Variants in BAZ2B observed in about 807,000 individuals in gnomAD.
The protein encoded by BAZ2B is bromodomain adjacent to zinc finger domain protein 2B.
BAZ2B carries 91 observed loss-of-function variants against 246.0 expected under a neutral mutation model. The observed-to-expected ratio is 0.37, with a 90% confidence interval of 0.31 to 0.44. BAZ2B has a LOEUF of 0.44. Ranked by LOEUF, BAZ2B falls within the 20% of genes least tolerant of loss-of-function variation. BAZ2B has a pLI of 1.00. For missense variants in BAZ2B, 2,332 were observed against 2,533.7 expected (o/e 0.92, Z 1.71); for synonymous variants, 855 against 860.0 (o/e 0.99, Z 0.10).
chr2:159,567,346 G>A (rs1682873354), intron 1 of BAZ2B, among the ~76,000 whole-genome samples: 1 of 152,160 alleles, frequency 6.6e-6, no homozygotes. Context: ...AGAAATGGCT[G>A]TCATATACAG....
At chr2:159,468,475 T>C (rs1238900225) in intron 3 of BAZ2B, among the ~76,000 whole-genome samples, 2 of 152,202 alleles carry the variant, frequency 1.3e-5, no homozygotes, top group Non-Finnish European at 2.9e-5. Flanking sequence ...AAAAGAATCA[T>C]AGCACAAATA....
At chr2:159,420,172 C>A (rs535717914) in intron 13 of BAZ2B, among the ~76,000 whole-genome samples, 1 of 152,278 alleles carries the variant, frequency 6.6e-6, no homozygotes, top group South Asian at 2.1e-4. Flanking sequence ...CAAATTCAGG[C>A]TTTCAACTTC....
Position 159,345,610 on chromosome 2 carries a change from G to A in BAZ2B, c.5454+1876C>T, listed in dbSNP as rs1379757188. 5.3e-5 allele frequency among the ~76,000 whole-genome samples: 8 copies of A among 152,218 alleles called. No individual in the cohort carries two copies. The East Asian group carries it at 1.2e-3, about 22-fold the overall frequency. On this transcript the variant is annotated intron_variant, in intron 31 of 36. Coordinates refer to ENST00000392783, the MANE Select transcript of BAZ2B (RefSeq NM_013450.4). ...AGGAAAATGTTTCAGGCCCACACTC[G>A]GACTTTACACATATTTTTTAAAAGC...
At chr2:159,423,178 C>T (rs1408441293) in intron 13 of BAZ2B, among the ~76,000 whole-genome samples, 1 of 151,786 alleles carries the variant, frequency 6.6e-6, no homozygotes, top group Non-Finnish European at 1.5e-5. Context: ...TAGCTGGGCG[C>T]GGTGGCAGGC....
intron 1 of BAZ2B, among the ~76,000 whole-genome samples, chr2:159,611,943 T>C (rs1411381971): frequency 6.6e-6 from 1 of 151,998 alleles, no homozygotes; most frequent in African/African-American, 2.4e-5. Context: ...AAGTAGAATA[T>C]ATGTAGGCAC....
Position 159,347,598 on chromosome 2 carries a change from T to C in BAZ2B, c.5342A>G (p.Asp1781Gly). The change falls in exon 31 of 37, where the codon GAT (aspartate) becomes GGT (glycine). Residue 1781 changes from aspartate (D) to glycine (G), a missense_variant. Transcript: ENST00000392783. ...TTCTACTGACCAGTTCTCCACAATATCTCGAGTTACTTGGTTTTCTTCATT... is the reference window on the plus strand; with the variant it reads ...TTCTACTGACCAGTTCTCCACAATACCTCGAGTTACTTGGTTTTCTTCATT... ...NENEENQVTR[D>G]IVENWSVEEQ... 1 of 1,612,782 alleles carries C rather than the reference T, an allele frequency of 6.2e-7. No individual in the cohort carries two copies.
intron 1 of BAZ2B, among the ~76,000 whole-genome samples, chr2:159,597,620 A>C (rs946247922): frequency 6.6e-6 from 1 of 152,102 alleles, no homozygotes; most frequent in African/African-American, 2.4e-5. Context: ...TTCGCCTTCT[A>C]GGTTCAAGCG....
chr2:159,574,088 G>A (rs1684663727), intron 1 of BAZ2B, among the ~76,000 whole-genome samples: 1 of 151,446 alleles, frequency 6.6e-6, no homozygotes, highest in African/African-American at 2.4e-5. Context: ...GACACAGTGA[G>A]ACCCAGACCC....
At chr2:159,347,445 C>G in intron 31 of BAZ2B, 41 bp downstream of exon 31, 1 of 1,578,702 alleles carries the variant, frequency 6.3e-7, no homozygotes, top group Non-Finnish European at 8.7e-7. Flanking sequence ...TAGTTATCTT[C>G]CATTATCCTA....
chr2:159,663,766 C>T, the BAZ2B span, among the ~76,000 whole-genome samples: 1 of 151,602 alleles, frequency 6.6e-6, no homozygotes, highest in African/African-American at 2.4e-5. Context: ...ATCTGCTTGC[C>T]TTGGCCTCCA....
At chr2:159,316,873 T>G (rs933420435), downstream of BAZ2B, among the ~76,000 whole-genome samples, 2 of 151,752 alleles carry the variant, frequency 1.3e-5, no homozygotes, top group African/African-American at 4.8e-5. Flanking sequence ...TGGTGGCACG[T>G]GCTTGTAGTC....
chr2:159,422,339 A>G lies in BAZ2B; in HGVS notation c.2466+5602T>C, dbSNP rs146874184. On this transcript the variant is annotated intron_variant, in intron 13 of 36. Coordinates refer to ENST00000392783, the MANE Select transcript of BAZ2B (RefSeq NM_013450.4). ...AGGCATCACACTTACCTGACTTCCAACTATACTACAAGGCTACAGTAACCA... is the reference window on the plus strand; with the variant it reads ...AGGCATCACACTTACCTGACTTCCAGCTATACTACAAGGCTACAGTAACCA... 6.4e-3 allele frequency among the ~76,000 whole-genome samples: 979 copies of G among 152,336 alleles called. 7 individuals carry two copies. Among genetic ancestry groups the G allele is most frequent in the Middle Eastern group, 0.017 (5 of 294 alleles).
At chr2:159,394,131 T>TA (rs199895045) in intron 20 of BAZ2B, among the ~76,000 whole-genome samples, 3,627 of 145,018 alleles carry the variant, frequency 0.025, 103 homozygotes, top group African/African-American at 0.069. Context: ...TCCTTCTGAT[T>TA]AAAAAAAAAA....
At chr2:159,433,434 A>G (rs754058240) in intron 8 of BAZ2B, 71 bp from the exon 9 acceptor site, 305 of 1,380,188 alleles carry the variant, frequency 2.2e-4, no homozygotes, top group Non-Finnish European at 2.8e-4. Flanking sequence ...TTTGCTTTCA[A>G]TATCTGAAAA....
intron 31 of BAZ2B, among the ~76,000 whole-genome samples, chr2:159,339,720 T>C (rs2066296521): frequency 3.3e-5 from 5 of 152,186 alleles, no homozygotes; most frequent in Admixed American, 2.6e-4. Context: ...ATTTATAGGA[T>C]GGAATATTAT....
the BAZ2B span, among the ~76,000 whole-genome samples, chr2:159,634,160 T>C: frequency 2.0e-5 from 3 of 152,254 alleles, no homozygotes; most frequent in Non-Finnish European, 4.4e-5. Flanking sequence ...TAGACAATTA[T>C]GTTCTAGGAA....
intron 13 of BAZ2B, among the ~76,000 whole-genome samples, chr2:159,417,070 T>C (rs2067850892): frequency 6.6e-6 from 1 of 152,148 alleles, no homozygotes; most frequent in Admixed American, 6.5e-5. Context: ...CTTAAAATAG[T>C]AAATATTTGC....
chr2:159,424,460 A>G (rs1301499966), intron 13 of BAZ2B, among the ~76,000 whole-genome samples: 1 of 152,166 alleles, frequency 6.6e-6, no homozygotes, highest in African/African-American at 2.4e-5. Flanking sequence ...ATTATCTTCT[A>G]GCAGAAAGTA....
upstream of BAZ2B, among the ~76,000 whole-genome samples, chr2:159,619,786 T>C (rs1696358634): frequency 6.6e-6 from 1 of 152,088 alleles, no homozygotes; most frequent in Admixed American, 6.5e-5. Flanking sequence ...CATGTTATCA[T>C]ACTTTATCAT....
Sources: allele counts gnomAD v4.1 joint callset (sites outside exome capture counted in the v4.1 genomes callset), GRCh38; gene constraint gnomAD v4.1.1; transcripts MANE v1.5; gene names NCBI Gene and HGNC (gene_info 2026-07-23, HGNC 2026-07-21).